The following MDM2 variants were observed in gnomAD, a reference collection of about 807,000 sequenced individuals.
The protein encoded by MDM2 is MDM2 proto-oncogene.
A neutral mutation model predicts 64.3 loss-of-function variants in MDM2; 11 were observed. The observed-to-expected ratio is 0.17, with a 90% CI of 0.11 to 0.28. MDM2 has a LOEUF of 0.28. MDM2 is among the 10% of genes least tolerant of loss of function. The pLI, the probability that MDM2 is intolerant of heterozygous loss-of-function variation, is 1.00. For synonymous variants in MDM2, 194 were observed against 192.9 expected (o/e 1.01, Z -0.05); for missense variants, 388 against 577.1 (o/e 0.67, Z 3.36).
At chr12:68,816,189 T>C (rs1328352145) in intron 3 of MDM2, among the ~76,000 whole-genome samples, 1 of 152,102 alleles carries the variant, frequency 6.6e-6, no homozygotes, top group African/African-American at 2.4e-5. Flanking sequence ...CTTTTTTGGC[T>C]ATCAGTTTTT....
downstream of MDM2, chr12:68,849,390 GT>G (rs67479332): frequency 0.48 from 61,529 of 128,982 alleles, 12,981 homozygotes; most frequent in South Asian, 0.55. Flanking sequence ...GCGCCTGGCC[GT>G]TTTTTTTTTT....
In MDM2 at chr12:68,820,320, A is replaced by C. The variant is rs763094430; in HGVS notation, c.309-5A>C. ...CTTGTTATTTTTTTTTTTTCTGTCT[A>C]CAAGGAAAATATATACCATGATCTA... is the stretch of plus-strand genomic sequence containing the variant. On this transcript the variant is annotated splice_region_variant and splice_polypyrimidine_tract_variant and intron_variant, in intron 4 of 10. Transcript: ENST00000258149. 5.1e-6 allele frequency: 8 copies of C among 1,578,118 alleles called. No individual in the cohort carries two copies. The highest frequency in any genetic ancestry group is 6.9e-6 in the Non-Finnish European group (8 of 1,163,652).
intron 2 of MDM2, among the ~76,000 whole-genome samples, chr12:68,812,765 G>T (rs1881019834): frequency 2.0e-5 from 3 of 152,122 alleles, no homozygotes; most frequent in African/African-American, 7.2e-5. Context: ...CTTTCTTTCT[G>T]TAAGGAAAAT....
rs920190540 is a variant in MDM2, at chr12:68,828,592, CAAAT to C, written c.524-169_524-166del. ...CTTTCTCAGACAATAAATAAATAAA[CAAAT>C]AAATAAATACACACAGATAGTGTTC... On this transcript the variant is annotated intron_variant, in intron 7 of 10. Coordinates refer to ENST00000258149, the MANE Select transcript of MDM2 (RefSeq NM_002392.6). 5.0e-4 allele frequency: 271 copies of C among 541,006 alleles called. 1 individual carries two copies. The highest frequency in any genetic ancestry group is 4.3e-3 in the African/African-American group (227 of 52,654). 33.5% of individuals were successfully genotyped at this position (541,006 alleles called of 1,614,324 possible). A position where few individuals can be genotyped will look rare whatever the true frequency, so the allele number is the denominator to read the frequency against.
chr12:68,814,662 A>G (rs1031633355), intron 3 of MDM2: 6 of 368,044 alleles, frequency 1.6e-5, no homozygotes, highest in African/African-American at 8.6e-5. Flanking sequence ...ATACATGAGT[A>G]CAGTATACTG....
At chr12:68,820,231 G>A in intron 4 of MDM2, 94 bp from the exon 5 acceptor site, 1 of 886,476 alleles carries the variant, frequency 1.1e-6, no homozygotes, top group Middle Eastern at 3.0e-4. Flanking sequence ...TTCATACTAA[G>A]TATGTATGTA....
intron 2 of MDM2, among the ~76,000 whole-genome samples, chr12:68,811,384 A>G (rs1403396720): frequency 2.0e-5 from 3 of 152,100 alleles, no homozygotes; most frequent in Non-Finnish European, 4.4e-5. Flanking sequence ...TTTGAATTTC[A>G]TATCATGCTT....
At chr12:68,826,943 G>A (rs1347953171) in intron 7 of MDM2, among the ~76,000 whole-genome samples, 15 of 152,126 alleles carry the variant, frequency 9.9e-5, no homozygotes, top group African/African-American at 3.1e-4. Context: ...TTGGGAGGCC[G>A]AGGAGGGAGG....
intron 8 of MDM2, among the ~76,000 whole-genome samples, chr12:68,829,466 TA>T (rs1353431900): frequency 1.3e-5 from 2 of 152,282 alleles, no homozygotes; most frequent in Non-Finnish European, 2.9e-5. Context: ...ACTTATGCTG[TA>T]AAATACAGGT....
rs1480186798 is a variant in MDM2, at chr12:68,842,140, AGCCTGTCAAAT to A, written c.*2292_*2302del. 5 of 458,872 alleles carry A rather than the reference AGCCTGTCAAAT, an allele frequency of 1.1e-5. No individual in the cohort carries two copies. The highest frequency in any genetic ancestry group is 2.1e-5 in the Non-Finnish European group (5 of 236,656). 28.4% of individuals were successfully genotyped at this position (458,872 alleles called of 1,614,324 possible). The stretch of plus-strand genomic sequence containing the variant: ...TTTGAATTTGAAAAATATAGTAACA[AGCCTGTCAAAT>A]ATCTGCAAGAACTATGGAATAAAAC... On this transcript the variant is annotated 3_prime_UTR_variant, in exon 11 of 11. Coordinates refer to ENST00000258149, the MANE Select transcript of MDM2 (RefSeq NM_002392.6).
intron 7 of MDM2, 127 bp from the exon 8 acceptor site, chr12:68,828,644 C>G (rs1882537587): frequency 1.4e-6 from 1 of 702,742 alleles, no homozygotes; most frequent in Non-Finnish European, 2.4e-6. Context: ...TGGACAGATT[C>G]AATAAAACAG....
chr12:68,829,832 AT>A (rs1200092323), intron 8 of MDM2, among the ~76,000 whole-genome samples: 1 of 152,024 alleles, frequency 6.6e-6, no homozygotes, highest in Non-Finnish European at 1.5e-5. Context: ...GTACTTTCTC[AT>A]TACTAATACA....
chr12:68,819,683 G>A (rs1011953879), intron 4 of MDM2, among the ~76,000 whole-genome samples: 4 of 152,168 alleles, frequency 2.6e-5, no homozygotes, highest in African/African-American at 7.2e-5. Context: ...TAGAGATGGG[G>A]TTTCTCCATG....
intron 4 of MDM2, 82 bp from the exon 5 acceptor site, chr12:68,820,243 A>G: frequency 2.0e-6 from 2 of 1,011,188 alleles, no homozygotes; most frequent in South Asian, 1.4e-5. Flanking sequence ...ATGTATGTAG[A>G]AGTCTGGTTA....
chr12:68,810,500 C>T (rs949399629), intron 2 of MDM2, among the ~76,000 whole-genome samples: 2 of 151,738 alleles, frequency 1.3e-5, no homozygotes, highest in Non-Finnish European at 2.9e-5. Context: ...CTTGCTCTGT[C>T]TCCCAGGCTG....
At chr12:68,824,856 T>G in intron 7 of MDM2, 1 of 535,604 alleles carries the variant, frequency 1.9e-6, no homozygotes, top group Non-Finnish European at 3.3e-6. Flanking sequence ...GCAGGCACAG[T>G]TTACTGTGCC....
chr12:68,817,432 C>T (rs1881476770), intron 4 of MDM2, among the ~76,000 whole-genome samples: 1 of 152,088 alleles, frequency 6.6e-6, no homozygotes, highest in African/African-American at 2.4e-5. Context: ...GGCACTTAAC[C>T]AGCAGAATTT....
chr12:68,845,375 TAAC>T lies in MDM2; in HGVS notation c.*5529_*5531del, dbSNP rs1426193897. ...CCAGCACTTGGAAGGTGTTCAGAAG[TAAC>T]AAATTATAAAATGAGCTAACAAACG... On this transcript the variant is annotated 3_prime_UTR_variant, in exon 11 of 11. Transcript: ENST00000258149. 4.7e-6 allele frequency: 1 copy of T among 210,578 alleles called. No individual in the cohort carries two copies. The highest frequency in any genetic ancestry group is 9.6e-6 in the Non-Finnish European group (1 of 103,954). The allele number at this position is 210,578 out of a possible 1,614,324, so 13.0% of individuals were successfully genotyped here. A position where few individuals can be genotyped will look rare whatever the true frequency, so the allele number is the denominator to read the frequency against.
chr12:68,816,531 C>T (rs1881398613), intron 3 of MDM2, among the ~76,000 whole-genome samples: 1 of 151,956 alleles, frequency 6.6e-6, no homozygotes, highest in African/African-American at 2.4e-5. Context: ...TGCCACCATG[C>T]CTGGCTAACT....
Sources: gnomAD v4.1 joint callset for allele counts (sites outside exome capture counted in the v4.1 genomes callset) on GRCh38, gnomAD v4.1.1 for gene constraint, MANE v1.5 for transcripts, NCBI Gene and HGNC (gene_info 2026-07-23, HGNC 2026-07-21) for gene names.